CP: variants seen among roughly 807,000 people sequenced by gnomAD.
CP encodes the protein caeruloplasmin.
In CP, 64 loss-of-function variants were observed where a neutral mutation model predicts 122.4. That is an observed-to-expected ratio of 0.52 (90% CI 0.43 to 0.64). The LOEUF (loss-of-function observed/expected upper bound fraction) is 0.64, where lower values mean the gene tolerates loss of function less well. Among genes scored for constraint, CP ranks in the 30% least tolerant of loss-of-function variants. The pLI is 0.00. For missense variants in CP, 1,167 were observed against 1,284.4 expected, an observed-to-expected ratio of 0.91 and a Z score of 1.40; for synonymous variants, 440 against 436.4, an observed-to-expected ratio of 1.01 and a Z score of -0.10.
At chr3:149,163,092 A>G (rs937522860) in intron 5 of CP, among the ~76,000 whole-genome samples, 27 of 152,242 alleles carry the variant, frequency 1.8e-4, no homozygotes, top group Non-Finnish European at 2.2e-4. Flanking sequence ...TCCTCTACTT[A>G]TTAATGTCCC....
At chr3:149,199,566 A>T in intron 8 of CP, 146 bp downstream of exon 8, 1 of 978,134 alleles carries the variant, frequency 1.0e-6, no homozygotes, top group Non-Finnish European at 1.6e-6. Flanking sequence ...GAAGGGGTTT[A>T]TTTGTTTCCT....
At position 149,198,515 on chromosome 3, in the gene CP, G is replaced by C; in HGVS notation, c.1565C>G (p.Pro522Arg). 6.2e-7 allele frequency: 1 copy of C among 1,614,124 alleles called. No homozygotes were observed. Among genetic ancestry groups the C allele is most frequent in the Non-Finnish European group, 8.5e-7 (1 of 1,180,016 alleles). The change falls in exon 9 of 19, where the codon CCC (proline) becomes CGC (arginine). Residue 522 changes from proline (P) to arginine (R), a missense_variant. Pro to Arg is a moderately radical substitution (Grantham distance 103). Around this residue, in one of 2 missense-constraint regions of CP, gnomAD observed 642 missense variants for 627.3 expected, o/e 1.02. Coordinates refer to ENST00000264613, the MANE Select transcript of CP (RefSeq NM_000096.4). ...TETFTYEWTV[P>R]KEVGPTNADP... ...TGCATTAGTGGGTCCTACTTCTTTG[G>C]GGACAGTCCATTCATAGGTGAATGT...
At chr3:149,172,492 C>A, downstream of CP, 1 of 315,308 alleles carries the variant, frequency 3.2e-6, no homozygotes, top group Non-Finnish European at 6.1e-6. Flanking sequence ...CTCAAAGAAG[C>A]CATACATTTT....
rs35966950 is a variant in CP, at chr3:149,205,753, G to T, written c.1208+415C>A. Among the ~76,000 whole-genome samples, 1,518 of 152,176 alleles carry T rather than the reference G, an allele frequency of 1.0e-2. 25 individuals carry two copies. The highest frequency in any genetic ancestry group is 0.035 in the African/African-American group (1,471 of 41,518). The stretch of plus-strand genomic sequence containing the variant: ...GGGGGTGGAGAAAGAGTGGAAGAAG[G>T]TTGTTATTGTTTAAAGGGTTCAGAG... On this transcript the variant is annotated intron_variant, in intron 6 of 18. Transcript: ENST00000264613.
chr3:149,203,599 A>G (rs1727497758), intron 6 of CP, among the ~76,000 whole-genome samples: 1 of 152,230 alleles, frequency 6.6e-6, no homozygotes, highest in African/African-American at 2.4e-5. Flanking sequence ...CTCACATGAC[A>G]TCGCAACAAA....
chr3:149,186,452 T>C, intron 11 of CP, 68 bp downstream of exon 11: 1 of 1,439,460 alleles, frequency 6.9e-7, no homozygotes, highest in Non-Finnish European at 9.7e-7. Context: ...CAACACATTC[T>C]GCTACAGGAT....
At chr3:149,214,695 C>T (rs1418361158) in intron 1 of CP, among the ~76,000 whole-genome samples, 4 of 152,144 alleles carry the variant, frequency 2.6e-5, no homozygotes, top group Non-Finnish European at 5.9e-5. Context: ...TTGGGAGAGA[C>T]TTCATGGACA....
Position 149,177,929 on chromosome 3 carries a change from C to G in CP, c.2929G>C (p.Gly977Arg). 1 of 1,613,468 alleles carries G rather than the reference C, an allele frequency of 6.2e-7. No homozygotes were observed. Among genetic ancestry groups the G allele is most frequent in the African/African-American group, 1.3e-5 (1 of 74,988 alleles). ...GNLQGLTMHV[G>R]DEVNWYLMGM... The stretch of plus-strand genomic sequence containing the variant: ...ATCAGATACCAGTTGACTTCATCTC[C>G]CACGTGCATTGTGAGGCCTTGTAGG... The change falls in exon 17 of 19, where the codon GGA (glycine) becomes CGA (arginine). Residue 977 changes from glycine (G) to arginine (R), a missense_variant. This residue lies in a region of CP where 525 missense variants were observed against 657.2 expected (regional missense o/e 0.80). Transcript: ENST00000264613.
intron 1 of CP, among the ~76,000 whole-genome samples, chr3:149,215,923 G>A (rs966248755): frequency 5.3e-5 from 8 of 152,062 alleles, no homozygotes; most frequent in Non-Finnish European, 1.0e-4. Flanking sequence ...ATTTCTGGTA[G>A]TCTTAGACCC....
At chr3:149,171,940 C>T (rs577125316), downstream of CP, among the ~76,000 whole-genome samples, 3 of 152,066 alleles carry the variant, frequency 2.0e-5, no homozygotes, top group East Asian at 1.9e-4. Flanking sequence ...CTCCTGACCT[C>T]GTGATCTGCC....
intron 9 of CP, among the ~76,000 whole-genome samples, chr3:149,190,744 A>G (rs1164050668): frequency 6.6e-6 from 1 of 151,938 alleles, no homozygotes; most frequent in Non-Finnish European, 1.5e-5. Flanking sequence ...TTTTTAAGGC[A>G]GTTTCTTTCA....
downstream of CP, chr3:149,172,316 T>TCACAC (rs1200676922): frequency 8.8e-6 from 6 of 681,198 alleles, no homozygotes; most frequent in African/African-American, 2.6e-5. Context: ...TTATTTTATA[T>TCACAC]ATCACACACA....
rs34523231 is a variant in CP at position 149,181,647 on chromosome 3, C to G, written c.2554+358G>C. Among the ~76,000 whole-genome samples, 1,005 of 152,226 alleles carry G rather than the reference C, an allele frequency of 6.6e-3. 4 individuals carry two copies. Among genetic ancestry groups the G allele is most frequent in the African/African-American group, 0.023 (957 of 41,534 alleles). ...GAGTTCCAAGTGGCAGCCTCTGGCC[C>G]TTAGAACCACATGTGCTAGAGACAG... is the stretch of plus-strand genomic sequence containing the variant. On this transcript the variant is annotated intron_variant, in intron 14 of 18. Transcript: ENST00000264613.
chr3:149,214,556 TAA>T (rs1186024927), intron 1 of CP, among the ~76,000 whole-genome samples: 8 of 152,150 alleles, frequency 5.3e-5, no homozygotes, highest in Admixed American at 5.2e-4. Context: ...GTTAGAAAAA[TAA>T]AGTGTCATTA....
chr3:149,207,557 A>C lies in CP; in HGVS notation c.842T>G (p.Val281Gly). Residue 281 changes from valine (V) to glycine (G), a missense_variant, in exon 5 of 19, where the codon GTA becomes GGA. Transcript: ENST00000264613. ...PGLSMCAEDR[V>G]KWYLFGMGNE... is the part of the protein sequence containing the mutation. ...ACCCATACCAAAAAGGTACCATTTT[A>C]CTCTGTCTTCAGCACACATGGAGAG... is the stretch of plus-strand genomic sequence containing the variant. 1 of 1,613,960 alleles carries C rather than the reference A, an allele frequency of 6.2e-7. No homozygotes were observed. The highest frequency in any genetic ancestry group is 1.1e-5 in the South Asian group (1 of 91,074).
intron 14 of CP, 49 bp from the exon 15 acceptor site, chr3:149,179,711 TACACACACACACACAC>T (rs71304221): frequency 2.8e-5 from 17 of 608,970 alleles, no homozygotes; most frequent in Middle Eastern, 4.0e-4. Flanking sequence ...GTTTATATTG[TACACACACACACACAC>T]ACACACACAC....
intron 1 of CP, among the ~76,000 whole-genome samples, chr3:149,217,166 T>C (rs1328254539): frequency 1.3e-5 from 2 of 152,194 alleles, no homozygotes; most frequent in Non-Finnish European, 2.9e-5. Flanking sequence ...CCCAAAGTGC[T>C]GGGATTACAG....
At chr3:149,211,681 G>A (rs1289878606) in intron 2 of CP, among the ~76,000 whole-genome samples, 1 of 152,186 alleles carries the variant, frequency 6.6e-6, no homozygotes, top group African/African-American at 2.4e-5. Flanking sequence ...ACCTTAGCTG[G>A]GGCAGAGTTT....
At chr3:149,167,444 C>T (rs1462086565) in intron 4 of CP, among the ~76,000 whole-genome samples, 1 of 108,262 alleles carries the variant, frequency 9.2e-6, no homozygotes, top group Non-Finnish European at 2.3e-5. Flanking sequence ...GGTATATTAT[C>T]ATCATTAAAC....
Sources: gnomAD v4.1 joint callset for allele counts (sites outside exome capture counted in the v4.1 genomes callset) on GRCh38, gnomAD v4.1.1 for gene constraint, gnomAD v4.1.1 regional missense constraint, MANE v1.5 for transcripts, NCBI Gene and HGNC (gene_info 2026-07-23, HGNC 2026-07-21) for gene names.